The following PDE7B variants were observed in gnomAD, a reference collection of about 807,000 sequenced individuals.
PDE7B encodes the protein 3',5'-cyclic-AMP phosphodiesterase 7B.
In PDE7B, 29 loss-of-function variants were observed where a neutral mutation model predicts 56.2. That is an observed-to-expected ratio of 0.52 (90% confidence interval 0.38 to 0.70). PDE7B has a LOEUF of 0.70. PDE7B is among the 30% of genes least tolerant of loss of function. The pLI, the probability that PDE7B is intolerant of heterozygous loss-of-function variation, is 0.00. For missense variants in PDE7B, 490 were observed against 565.0 expected, an observed-to-expected ratio of 0.87 and a Z score of 1.35; for synonymous variants, 197 against 196.9, an observed-to-expected ratio of 1.00 and a Z score of 0.00.
intron 2 of PDE7B, among the ~76,000 whole-genome samples, chr6:136,063,232 G>T (rs59451926): frequency 1.7e-4 from 26 of 152,330 alleles, no homozygotes; most frequent in African/African-American, 6.0e-4. Context: ...CAGTGACCTG[G>T]AAGAGCATGT....
chr6:136,131,491 C>T lies in PDE7B; in HGVS notation c.167-15860C>T, dbSNP rs936165516. 6.2e-4 allele frequency among the ~76,000 whole-genome samples: 84 copies of T among 134,672 alleles called. 1 individual carries two copies. Among genetic ancestry groups the T allele is most frequent in the African/African-American group, 2.3e-3 (79 of 35,000 alleles). The allele number at this position is 134,672 out of a possible 152,430, so 88.4% of individuals were successfully genotyped here. A position where few individuals can be genotyped will look rare whatever the true frequency, so the allele number is the denominator to read the frequency against. On this transcript the variant is annotated intron_variant, in intron 3 of 12. Transcript: ENST00000308191. ...CTGTATGCATCCCTGTGCATCCTGG[C>T]AGGTTTTTTTTTTTTTTTTTTTTTT...
intron 1 of PDE7B, among the ~76,000 whole-genome samples, chr6:135,942,911 A>T (rs1774531076): frequency 6.6e-6 from 1 of 152,090 alleles, no homozygotes; most frequent in Non-Finnish European, 1.5e-5. Flanking sequence ...TCAACTGTTG[A>T]TGAACACTCA....
chr6:135,888,588 A>G (rs527429571), intron 1 of PDE7B, among the ~76,000 whole-genome samples: 1 of 152,086 alleles, frequency 6.6e-6, no homozygotes, highest in South Asian at 2.1e-4. Context: ...GTTCTGGACT[A>G]TTTAGAAATA....
chr6:136,089,602 T>C (rs1777352687), intron 2 of PDE7B, among the ~76,000 whole-genome samples: 1 of 152,198 alleles, frequency 6.6e-6, no homozygotes, highest in Non-Finnish European at 1.5e-5. Context: ...CAGAATGTTA[T>C]ATTGACACTG....
chr6:136,075,610 GT>G (rs1777115943), intron 2 of PDE7B, among the ~76,000 whole-genome samples: 1 of 152,194 alleles, frequency 6.6e-6, no homozygotes, highest in Admixed American at 6.5e-5. Flanking sequence ...GTGAAGTGTG[GT>G]TGCATATTGC....
intron 1 of PDE7B, among the ~76,000 whole-genome samples, chr6:135,932,723 C>T (rs1455383453): frequency 6.6e-6 from 1 of 152,116 alleles, no homozygotes; most frequent in East Asian, 1.9e-4. Flanking sequence ...CTATGGTCAC[C>T]GGACTGGGAA....
intron 2 of PDE7B, chr6:136,037,947 C>T: frequency 8.3e-7 from 1 of 1,202,062 alleles, no homozygotes; most frequent in Non-Finnish European, 1.1e-6. Flanking sequence ...GTGCTGTGAA[C>T]TCAGTGCCAG....
At chr6:136,187,390 A>G (rs1002593829) in intron 12 of PDE7B, among the ~76,000 whole-genome samples, 1 of 152,218 alleles carries the variant, frequency 6.6e-6, no homozygotes, top group Non-Finnish European at 1.5e-5. Context: ...TAGAATCAAA[A>G]CCAAAAAGAG....
chr6:136,132,555 C>A (rs905065943), intron 3 of PDE7B, among the ~76,000 whole-genome samples: 10 of 152,150 alleles, frequency 6.6e-5, no homozygotes, highest in Non-Finnish European at 1.3e-4. Context: ...TTAATATCAA[C>A]TTCACAATAC....
rs565217625 is a variant in PDE7B at position 135,955,980 on chromosome 6, G to A, written c.82+8456G>A. Among the ~76,000 whole-genome samples the A allele has an allele frequency of 2.0e-5, 3 of 152,266 alleles. No homozygotes were observed. In the South Asian group the frequency reaches 6.2e-4, roughly 32 times the overall value. The stretch of plus-strand genomic sequence containing the variant: ...TTTCCACTGCAGCACAGCTCAGAAG[G>A]AGGGCTCTGCAAGTCAGTGGCGGTG... On this transcript the variant is annotated intron_variant, in intron 2 of 12. Coordinates refer to ENST00000308191, the MANE Select transcript of PDE7B (RefSeq NM_018945.4).
intron 3 of PDE7B, among the ~76,000 whole-genome samples, chr6:136,109,878 T>C (rs1476804701): frequency 6.6e-6 from 1 of 152,216 alleles, no homozygotes; most frequent in Non-Finnish European, 1.5e-5. Context: ...TTGGTTCTCA[T>C]ATCACTTCCC....
At chr6:135,955,535 G>A (rs1438389860) in intron 2 of PDE7B, among the ~76,000 whole-genome samples, 1 of 152,154 alleles carries the variant, frequency 6.6e-6, no homozygotes, top group East Asian at 1.9e-4. Context: ...ATGTGGACAG[G>A]AAGGCAGGAG....
At chr6:136,054,960 A>G (rs1396936197) in intron 2 of PDE7B, among the ~76,000 whole-genome samples, 1 of 152,170 alleles carries the variant, frequency 6.6e-6, no homozygotes, top group Non-Finnish European at 1.5e-5. Flanking sequence ...CCATGATTCA[A>G]TTACCTCCCA....
At chr6:136,018,424 C>A (rs1053254518) in intron 2 of PDE7B, among the ~76,000 whole-genome samples, 1 of 152,148 alleles carries the variant, frequency 6.6e-6, no homozygotes, top group Non-Finnish European at 1.5e-5. Context: ...AAACTTAACA[C>A]CTGAGCATTA....
At chr6:135,920,898 G>T (rs1002348251) in intron 1 of PDE7B, among the ~76,000 whole-genome samples, 2 of 152,148 alleles carry the variant, frequency 1.3e-5, no homozygotes, top group African/African-American at 4.8e-5. Flanking sequence ...ACGTCACTGC[G>T]GGATTTCAAC....
chr6:136,171,794 G>C (rs574670646), intron 8 of PDE7B, among the ~76,000 whole-genome samples: 1 of 95,774 alleles, frequency 1.0e-5, no homozygotes, highest in South Asian at 3.6e-4. Flanking sequence ...CCCCTCCCCC[G>C]ACCCCACAAC....
chr6:136,033,111 A>G (rs541448499), intron 2 of PDE7B, among the ~76,000 whole-genome samples: 19 of 152,368 alleles, frequency 1.2e-4, no homozygotes, highest in African/African-American at 4.6e-4. Flanking sequence ...GAAAGGCTAT[A>G]GTCAGAGGGT....
At chr6:135,993,777 A>G (rs1313126008) in intron 2 of PDE7B, among the ~76,000 whole-genome samples, 1 of 152,210 alleles carries the variant, frequency 6.6e-6, no homozygotes, top group Non-Finnish European at 1.5e-5. Flanking sequence ...ACCAAGGTAG[A>G]GGTAGAGATT....
intron 11 of PDE7B, among the ~76,000 whole-genome samples, chr6:136,181,772 A>AT (rs1044706379): frequency 5.3e-5 from 8 of 152,226 alleles, no homozygotes; most frequent in African/African-American, 1.9e-4. Flanking sequence ...AAAAAAAAAA[A>AT]AATAATGAAA....
Sources: gnomAD v4.1 joint callset for allele counts (sites outside exome capture counted in the v4.1 genomes callset) on GRCh38, gnomAD v4.1.1 for gene constraint, MANE v1.5 for transcripts, NCBI Gene and HGNC (gene_info 2026-07-23, HGNC 2026-07-21) for gene names.